The following MED17 variants were observed in gnomAD, a reference collection of about 807,000 sequenced individuals.
The protein encoded by MED17 is mediator of RNA polymerase II transcription subunit 17.
A neutral mutation model predicts 80.8 loss-of-function variants in MED17; 49 were observed. That is an observed-to-expected ratio of 0.61 (90% CI 0.48 to 0.77). The LOEUF (loss-of-function observed/expected upper bound fraction) is 0.77. MED17 is among the 30% of genes least tolerant of loss of function. The probability of loss-of-function intolerance (pLI) is 0.00; values close to 1 mark genes in which losing one functional copy is unlikely to be tolerated. For missense variants in MED17, 718 were observed against 787.0 expected (o/e 0.91, Z 1.05); for synonymous variants, 281 against 280.4 (o/e 1.00, Z -0.02).
At position 93,813,497 on chromosome 11, in the gene MED17, A is replaced by C. The variant is rs1944105543; in HGVS notation, c.*1433A>C. 1 of 152,224 alleles carries C rather than the reference A, an allele frequency of 6.6e-6. No individual in the cohort carries two copies. Among genetic ancestry groups the C allele is most frequent in the Admixed American group, 6.5e-5 (1 of 15,282 alleles). 9.4% of individuals were successfully genotyped at this position (152,224 alleles called of 1,614,324 possible). ...TGCCTTGGTCAATAGGCTAATCTGC[A>C]CAATTCCACTCACATAAGGAGTCTT... On this transcript the variant is annotated 3_prime_UTR_variant, in exon 12 of 12. Coordinates refer to ENST00000251871, the MANE Select transcript of MED17 (RefSeq NM_004268.5).
rs1322484445 is a variant in MED17, at chr11:93,794,041, G to T, written c.859+6G>T. 6.2e-7 allele frequency: 1 copy of T among 1,608,292 alleles called. No homozygotes were observed. Among genetic ancestry groups the T allele is most frequent in the African/African-American group, 1.3e-5 (1 of 74,810 alleles). On this transcript the variant is annotated splice_donor_region_variant and intron_variant, in intron 5 of 11. Transcript: ENST00000251871. Reference sequence around the variant, plus strand: ...TTTGCCCAAATCCAAACCAGGTATGGTTATGTTCTATTCTCTAATTTCTGG... The same window carrying T: ...TTTGCCCAAATCCAAACCAGGTATGTTTATGTTCTATTCTCTAATTTCTGG...
At chr11:93,797,391 C>G (rs1943915853) in intron 7 of MED17, 144 bp from the exon 8 acceptor site, 1 of 764,146 alleles carries the variant, frequency 1.3e-6, no homozygotes, top group South Asian at 1.6e-5. Context: ...CTAGTAGTTG[C>G]TAGCATTTTT....
rs1267931618 is a variant in MED17, at chr11:93,790,663, A to G, written c.507A>G (p.Lys169=). The G allele has an allele frequency of 9.3e-6, 15 of 1,614,254 alleles. No homozygotes were observed. Among genetic ancestry groups the G allele is most frequent in the South Asian group, 2.2e-5 (2 of 91,090 alleles). ...TGAAGGGGGCAGAAAGACTGACTAA[A>G]TCAGTTACCGAAAACCAAGAAAACA... ...ILLKGAERLT[K]SVTENQENKL... is the part of the protein sequence containing the mutation. Residue 169 remains lysine, a synonymous_variant, in exon 3 of 12, where the codon AAA becomes AAG. Transcript: ENST00000251871.
rs1327594653 is a variant in MED17 at position 93,784,290 on chromosome 11, T to G, written c.-224T>G. ...AGCTTCCGCGCCTGCCCAGTTTTGC[T>G]CCGAAAGACTTACCGAGGAGGGAGC... On this transcript the variant is annotated 5_prime_UTR_variant, in exon 1 of 12. Transcript: ENST00000251871. 1.7e-6 allele frequency: 1 copy of G among 604,886 alleles called. No individual in the cohort carries two copies. Among genetic ancestry groups the G allele is most frequent in the African/African-American group, 1.9e-5 (1 of 53,402 alleles). 37.5% of individuals were successfully genotyped at this position (604,886 alleles called of 1,614,324 possible). A position where few individuals can be genotyped will look rare whatever the true frequency, so the allele number is the denominator to read the frequency against.
rs1943827126 is a variant in MED17 at position 93,790,796 on chromosome 11, A to G, written c.637+3A>G. The G allele has an allele frequency of 3.1e-6, 5 of 1,612,082 alleles. No individual in the cohort carries two copies. The highest frequency in any genetic ancestry group is 4.2e-6 in the Non-Finnish European group (5 of 1,178,252). On this transcript the variant is annotated splice_donor_region_variant and intron_variant, in intron 3 of 11. Transcript: ENST00000251871. Reference sequence around the variant, plus strand: ...AGATCTGAGCTACAGAAGTGCAGGTATGAATAATTATTAAAAACTATACTT... The same window carrying G: ...AGATCTGAGCTACAGAAGTGCAGGTGTGAATAATTATTAAAAACTATACTT...
intron 3 of MED17, among the ~76,000 whole-genome samples, chr11:93,791,585 A>G (rs983486401): frequency 6.6e-6 from 1 of 152,050 alleles, no homozygotes; most frequent in East Asian, 1.9e-4. Flanking sequence ...CATACCTGTT[A>G]GTCCCAGCTA....
At chr11:93,794,864 A>C in intron 5 of MED17, 44 bp from the exon 6 acceptor site, 1 of 1,593,926 alleles carries the variant, frequency 6.3e-7, no homozygotes, top group Non-Finnish European at 8.6e-7. Flanking sequence ...TAGTTAATGC[A>C]TAATATGGTT....
At position 93,784,471 on chromosome 11, in the gene MED17, TGGC is replaced by T; in HGVS notation, c.-42_-40del. The T allele has an allele frequency of 6.4e-7, 1 of 1,567,040 alleles. No homozygotes were observed. The highest frequency in any genetic ancestry group is 2.3e-5 in the East Asian group (1 of 44,054). ...AGCCTCCTCTTCGTACCTCGTTTTTTGGCTCGTGGGGGGTCCTCCCACCGCTGG... is the reference window on the plus strand; with the variant it reads ...AGCCTCCTCTTCGTACCTCGTTTTTTTCGTGGGGGGTCCTCCCACCGCTGG... On this transcript the variant is annotated 5_prime_UTR_variant, in exon 1 of 12. Coordinates refer to ENST00000251871, the MANE Select transcript of MED17 (RefSeq NM_004268.5).
chr11:93,795,952 T>G (rs1423649819), intron 6 of MED17: 2 of 167,606 alleles, frequency 1.2e-5, no homozygotes, highest in East Asian at 3.4e-4. Flanking sequence ...ATGAATAGTT[T>G]TTTTTTTTTT....
chr11:93,811,595 G>A, intron 11 of MED17: 1 of 481,492 alleles, frequency 2.1e-6, no homozygotes, highest in Non-Finnish European at 3.7e-6. Context: ...GAGGACATTT[G>A]ACATTCCTAG....
Position 93,796,507 on chromosome 11 carries a change from C to G in MED17, c.1110C>G (p.Val370=), listed in dbSNP as rs369005157. ...EKQCPEDHLY[V]LEHNLHLLIR... ...AATGTCCGGAGGACCACCTTTATGT[C>G]CTAGAGCATAATTTGCATCTACTGA... The change falls in exon 7 of 12, where the codon GTC becomes GTG. Residue 370 remains valine (V), a synonymous_variant. Transcript: ENST00000251871. 4 of 1,613,968 alleles carry G rather than the reference C, an allele frequency of 2.5e-6. No individual in the cohort carries two copies. Among genetic ancestry groups the G allele is most frequent in the Non-Finnish European group, 8.5e-7 (1 of 1,179,982 alleles).
At chr11:93,786,640 G>C (rs991461342) in intron 1 of MED17, among the ~76,000 whole-genome samples, 1 of 151,890 alleles carries the variant, frequency 6.6e-6, no homozygotes, top group African/African-American at 2.4e-5. Context: ...GCTAATTTTT[G>C]TATTTTTAGT....
At chr11:93,792,696 C>CT in intron 3 of MED17, among the ~76,000 whole-genome samples, 1 of 152,102 alleles carries the variant, frequency 6.6e-6, no homozygotes, top group East Asian at 1.9e-4. Context: ...AATCTCAGCA[C>CT]TTTGGGAGGC....
In MED17 at chr11:93,784,512, G is replaced by A. The variant is rs1943746439; in HGVS notation, c.-2G>A. ...CTCCCACCGCTGGCCGACGCAGCCA[G>A]CATGTCCGGGGTGCGCGCAGTGCGG... On this transcript the variant is annotated 5_prime_UTR_variant, in exon 1 of 12. Transcript: ENST00000251871. 1 of 1,597,116 alleles carries A rather than the reference G, an allele frequency of 6.3e-7. No homozygotes were observed. The highest frequency in any genetic ancestry group is 8.6e-7 in the Non-Finnish European group (1 of 1,168,900).
intron 1 of MED17, among the ~76,000 whole-genome samples, chr11:93,787,240 C>T (rs1354786442): frequency 2.0e-5 from 3 of 151,846 alleles, no homozygotes; most frequent in South Asian, 2.1e-4. Context: ...GGTGAAACCC[C>T]GTCTCTACTA....
chr11:93,790,922 C>G (rs1943828764), intron 3 of MED17, 129 bp downstream of exon 3: 2 of 808,500 alleles, frequency 2.5e-6, no homozygotes, highest in Admixed American at 4.5e-5. Context: ...GCCCAGGCAA[C>G]ATGGCAAAAC....
rs1943744910 is a variant in MED17, at chr11:93,784,404, A to C, written c.-110A>C. ...CGGTTTCCCGAGGGTCTTCTGAGGCACCGCGGCTGCGGGCTTCTGAGTTCC... is the reference window on the plus strand; with the variant it reads ...CGGTTTCCCGAGGGTCTTCTGAGGCCCCGCGGCTGCGGGCTTCTGAGTTCC... On this transcript the variant is annotated 5_prime_UTR_variant, in exon 1 of 12. Coordinates refer to ENST00000251871, the MANE Select transcript of MED17 (RefSeq NM_004268.5). The C allele has an allele frequency of 7.1e-7, 1 of 1,400,426 alleles. No homozygotes were observed. The highest frequency in any genetic ancestry group is 9.5e-7 in the Non-Finnish European group (1 of 1,054,428). The allele number at this position is 1,400,426 out of a possible 1,614,324, so 86.7% of individuals were successfully genotyped here.
intron 9 of MED17, among the ~76,000 whole-genome samples, chr11:93,804,299 G>T (rs529830005): frequency 1.9e-4 from 29 of 152,048 alleles, no homozygotes; most frequent in Non-Finnish European, 4.0e-4. Flanking sequence ...CAGCTGATTA[G>T]ATGGTGCCCA....
intron 10 of MED17, chr11:93,809,267 C>G (rs1252628880): frequency 3.4e-6 from 1 of 293,710 alleles, no homozygotes; most frequent in Non-Finnish European, 6.7e-6. Context: ...GAATAAATAC[C>G]CTGACCTCAC....
Sources: gnomAD v4.1 joint callset for allele counts (sites outside exome capture counted in the v4.1 genomes callset) on GRCh38, gnomAD v4.1.1 for gene constraint, MANE v1.5 for transcripts, NCBI Gene and HGNC (gene_info 2026-07-23, HGNC 2026-07-21) for gene names.